CCDC178: variants seen among roughly 807,000 people sequenced by gnomAD.
CCDC178 encodes coiled-coil domain containing 178.
A neutral mutation model predicts 117.4 loss-of-function variants in CCDC178; 126 were observed. The ratio of observed to expected loss-of-function variants is 1.07; its 90% CI spans 0.93 to 1.24. The LOEUF is 1.24. Among genes scored for constraint, CCDC178 ranks in the 50% most tolerant of loss-of-function variants. The pLI, the probability that CCDC178 is intolerant of heterozygous loss-of-function variation, is 0.00. For missense variants in CCDC178, 1,030 were observed against 986.9 expected (o/e 1.04, Z -0.59); for synonymous variants, 283 against 313.4 (o/e 0.90, Z 1.02).
At chr18:33,262,616 T>A (rs1022981093) in intron 14 of CCDC178, among the ~76,000 whole-genome samples, 1 of 152,028 alleles carries the variant, frequency 6.6e-6, no homozygotes, top group African/African-American at 2.4e-5. Flanking sequence ...GCCTGCCACA[T>A]AAAAACACGT....
chr18:33,168,673 T>A (rs2058562207), intron 20 of CCDC178, among the ~76,000 whole-genome samples: 1 of 152,218 alleles, frequency 6.6e-6, no homozygotes, highest in African/African-American at 2.4e-5. Context: ...TTGATTGAGA[T>A]GTTTAGGAAT....
chr18:33,142,935 G>A (rs1346899229), intron 20 of CCDC178, among the ~76,000 whole-genome samples: 3 of 152,032 alleles, frequency 2.0e-5, no homozygotes, highest in Admixed American at 6.6e-5. Flanking sequence ...AAATGTCAAG[G>A]TATCCATATT....
chr18:33,177,552 C>T (rs968400242), intron 20 of CCDC178, among the ~76,000 whole-genome samples: 4 of 151,984 alleles, frequency 2.6e-5, no homozygotes, highest in Non-Finnish European at 5.9e-5. Flanking sequence ...AACATTTCTT[C>T]CTCTATTAGT....
chr18:32,997,159 C>A (rs1229025525), intron 21 of CCDC178, among the ~76,000 whole-genome samples: 1 of 152,024 alleles, frequency 6.6e-6, no homozygotes, highest in Admixed American at 6.6e-5. Context: ...ACTATTTGTA[C>A]TCTGTGTGTG....
chr18:33,118,882 C>T (rs568772668), intron 20 of CCDC178, among the ~76,000 whole-genome samples: 1 of 152,058 alleles, frequency 6.6e-6, no homozygotes, highest in East Asian at 1.9e-4. Flanking sequence ...TCAGAAATAC[C>T]ACACATCTAC....
At chr18:33,094,431 T>C (rs2057512747) in intron 20 of CCDC178, among the ~76,000 whole-genome samples, 1 of 152,030 alleles carries the variant, frequency 6.6e-6, no homozygotes, top group Admixed American at 6.6e-5. Flanking sequence ...GTAACATTGA[T>C]AAATGTTCTA....
At chr18:33,284,588 T>C (rs2144840730) in intron 12 of CCDC178, among the ~76,000 whole-genome samples, 1 of 152,330 alleles carries the variant, frequency 6.6e-6, no homozygotes, top group Middle Eastern at 3.4e-3. Context: ...GATGGTGTTA[T>C]CATAGTTCAA....
At position 33,411,325 on chromosome 18, in the gene CCDC178, T is replaced by G. The variant is rs546701738; in HGVS notation, c.58+706A>C. 3.9e-5 allele frequency among the ~76,000 whole-genome samples: 6 copies of G among 152,296 alleles called. No individual in the cohort carries two copies. The South Asian group carries it at 1.2e-3, about 32-fold the overall frequency. On this transcript the variant is annotated intron_variant, in intron 3 of 22. Transcript: ENST00000383096. ...AAAATTTTAGATTTTGTGGGCCAAA[T>G]GCAGTCTCTGTTGCATATTCCTTAT...
intron 11 of CCDC178, among the ~76,000 whole-genome samples, chr18:33,294,583 A>T (rs1040471614): frequency 3.9e-5 from 6 of 152,210 alleles, no homozygotes; most frequent in Admixed American, 2.6e-4. Flanking sequence ...CTCACTATAG[A>T]AATGAAAATT....
chr18:33,200,591 T>A (rs1191374101), intron 20 of CCDC178, among the ~76,000 whole-genome samples: 1 of 152,204 alleles, frequency 6.6e-6, no homozygotes, highest in Non-Finnish European at 1.5e-5. Flanking sequence ...CCTAAATGCA[T>A]GCTGATTTTC....
At chr18:32,992,038 C>T (rs1436300052) in intron 21 of CCDC178, among the ~76,000 whole-genome samples, 1 of 152,196 alleles carries the variant, frequency 6.6e-6, no homozygotes, top group Non-Finnish European at 1.5e-5. Context: ...TGTAAGTCAA[C>T]ATGTAGAAAC....
chr18:33,268,729 C>T lies in CCDC178; in HGVS notation c.1177-1432G>A, dbSNP rs141654940. Among the ~76,000 whole-genome samples, 6 of 151,844 alleles carry T rather than the reference C, an allele frequency of 4.0e-5. No homozygotes were observed. In the East Asian group the frequency reaches 1.2e-3, roughly 29 times the overall value. On this transcript the variant is annotated intron_variant, in intron 12 of 22. Coordinates refer to ENST00000383096, the MANE Select transcript of CCDC178 (RefSeq NM_001105528.4). ...AAAAGCCAACATTCCCAGATTATGT[C>T]CTTGCAGAGACATCAATGAAAATAG...
At chr18:33,222,943 AAGGAC>A (rs1273815971) in intron 18 of CCDC178, among the ~76,000 whole-genome samples, 158 bp downstream of exon 18, 1 of 152,054 alleles carries the variant, frequency 6.6e-6, no homozygotes, top group Non-Finnish European at 1.5e-5. Context: ...ATGAAAACAC[AAGGAC>A]TGTGTGTGTG....
At chr18:33,046,431 G>C (rs1335149288) in intron 21 of CCDC178, among the ~76,000 whole-genome samples, 1 of 151,808 alleles carries the variant, frequency 6.6e-6, no homozygotes, top group African/African-American at 2.4e-5. Flanking sequence ...GGCCTAGAGA[G>C]ACAACTTCTC....
intron 20 of CCDC178, among the ~76,000 whole-genome samples, chr18:33,110,601 TAA>T (rs1198038576): frequency 6.6e-6 from 1 of 151,560 alleles, no homozygotes; most frequent in Non-Finnish European, 1.5e-5. Flanking sequence ...GTATCTTTTT[TAA>T]AAAAATATTT....
At chr18:33,249,264 C>G (rs949226909) in intron 14 of CCDC178, among the ~76,000 whole-genome samples, 11 of 151,912 alleles carry the variant, frequency 7.2e-5, no homozygotes, top group African/African-American at 2.2e-4. Flanking sequence ...AGAAGCTCTT[C>G]AGTTTAATTA....
intron 20 of CCDC178, among the ~76,000 whole-genome samples, chr18:33,159,918 C>G (rs1000600404): frequency 6.6e-6 from 1 of 152,084 alleles, no homozygotes; most frequent in African/African-American, 2.4e-5. Context: ...TCTAACAGGA[C>G]AGATGACCCC....
At chr18:33,319,860 T>A (rs1484376429) in intron 11 of CCDC178, among the ~76,000 whole-genome samples, 2 of 152,242 alleles carry the variant, frequency 1.3e-5, no homozygotes, top group Non-Finnish European at 2.9e-5. Context: ...TCTGTTCATA[T>A]CCTTTGCCAA....
chr18:33,343,873 T>C (rs1439010962), intron 9 of CCDC178, among the ~76,000 whole-genome samples: 1 of 152,170 alleles, frequency 6.6e-6, no homozygotes, highest in African/African-American at 2.4e-5. Flanking sequence ...CTAAAGACTA[T>C]AAAAATATAT....
Sources: gnomAD v4.1 joint callset for allele counts (sites outside exome capture counted in the v4.1 genomes callset) on GRCh38, gnomAD v4.1.1 for gene constraint, MANE v1.5 for transcripts, NCBI Gene and HGNC (gene_info 2026-07-23, HGNC 2026-07-21) for gene names.